Variants in CENPP observed in about 807,000 individuals in gnomAD.
CENPP encodes the protein centromere protein P.
CENPP carries 24 observed loss-of-function variants against 35.6 expected under a neutral mutation model. That is an observed-to-expected ratio of 0.67 (90% CI 0.49 to 0.95). The LOEUF (loss-of-function observed/expected upper bound fraction) is 0.95, where lower values mean the gene tolerates loss of function less well. Ranked by LOEUF, CENPP falls within the 40% of genes least tolerant of loss-of-function variation. The probability of loss-of-function intolerance (pLI) is 0.00; values close to 1 mark genes in which losing one functional copy is unlikely to be tolerated. For synonymous variants in CENPP, 120 were observed against 125.5 expected (o/e 0.96, Z 0.29); for missense variants, 332 against 345.3 (o/e 0.96, Z 0.31).
chr9:92,327,504 GA>G (rs994048432), intron 1 of CENPP, among the ~76,000 whole-genome samples: 2 of 152,148 alleles, frequency 1.3e-5, no homozygotes, highest in Non-Finnish European at 2.9e-5. Context: ...CACCTGTACT[GA>G]ATAAAAATGC....
intron 5 of CENPP, among the ~76,000 whole-genome samples, chr9:92,389,160 G>A (rs1412604787): frequency 6.6e-6 from 1 of 152,042 alleles, no homozygotes; most frequent in Admixed American, 6.6e-5. Flanking sequence ...ACCAGCAATG[G>A]CATGGTCATC....
chr9:92,327,773 AAT>A (rs1840610801), intron 1 of CENPP, among the ~76,000 whole-genome samples: 1 of 152,206 alleles, frequency 6.6e-6, no homozygotes, highest in Non-Finnish European at 1.5e-5. Flanking sequence ...CAATTATTTC[AAT>A]ATTGCTTATC....
At chr9:92,470,778 A>T (rs1220866670) in intron 5 of CENPP, 1 of 1,534,600 alleles carries the variant, frequency 6.5e-7, no homozygotes, top group Non-Finnish European at 8.9e-7. Flanking sequence ...GACTGAGGTC[A>T]AACCTTAGAA....
At chr9:92,522,719 T>C (rs1047748391) in intron 5 of CENPP, 1 of 1,614,188 alleles carries the variant, frequency 6.2e-7, no homozygotes. Flanking sequence ...AGCTGTCTGT[T>C]TGATCTGTGC....
intron 5 of CENPP, among the ~76,000 whole-genome samples, chr9:92,499,974 G>C (rs1022153512): frequency 1.3e-5 from 2 of 152,220 alleles, no homozygotes; most frequent in African/African-American, 4.8e-5. Flanking sequence ...CCCAAAAGTA[G>C]GGAAAGTGAG....
chr9:92,446,355 A>C (rs1420167153), intron 5 of CENPP, among the ~76,000 whole-genome samples: 2 of 152,168 alleles, frequency 1.3e-5, no homozygotes, highest in Non-Finnish European at 2.9e-5. Flanking sequence ...GGTGATTGGG[A>C]AAATCGGTTT....
chr9:92,534,667 G>T (rs1026876018), intron 5 of CENPP, among the ~76,000 whole-genome samples: 1 of 152,126 alleles, frequency 6.6e-6, no homozygotes, highest in Non-Finnish European at 1.5e-5. Context: ...AATCATAAAA[G>T]TCAATTCAGA....
At chr9:92,391,994 G>A (rs765099960) in intron 5 of CENPP, among the ~76,000 whole-genome samples, 59 of 151,768 alleles carry the variant, frequency 3.9e-4, no homozygotes, top group Non-Finnish European at 6.6e-4. Context: ...AATGTGTAGC[G>A]GGGCTAGTAT....
Position 92,598,810 on chromosome 9 carries a change from G to A in CENPP, c.565-12504G>A, listed in dbSNP as rs180725220. ...TTAAAATGAACTATGATGAAACATGGCAAAAACTACAAGGAGGCCAGGCGC... is the reference window on the plus strand; with the variant it reads ...TTAAAATGAACTATGATGAAACATGACAAAAACTACAAGGAGGCCAGGCGC... On this transcript the variant is annotated intron_variant, in intron 5 of 7. Transcript: ENST00000375587. Among the ~76,000 whole-genome samples the A allele has an allele frequency of 9.9e-4, 150 of 151,194 alleles. 1 individual carries two copies. In the Middle Eastern group the frequency reaches 0.014, roughly 14 times the overall value.
rs368156894 is a variant in CENPP, at chr9:92,533,334, T to A, written c.565-77980T>A. On this transcript the variant is annotated intron_variant, in intron 5 of 7. Coordinates refer to ENST00000375587, the MANE Select transcript of CENPP (RefSeq NM_001012267.3). The stretch of plus-strand genomic sequence containing the variant: ...AAAAAAAAAAAAAAAAAAAAATATA[T>A]ATATATATATATATATATATATATG... 5.5e-3 allele frequency among the ~76,000 whole-genome samples: 519 copies of A among 93,662 alleles called. 1 individual carries two copies. The highest frequency in any genetic ancestry group is 9.2e-3 in the South Asian group (20 of 2,166). 61.4% of individuals were successfully genotyped at this position (93,662 alleles called of 152,430 possible). A position where few individuals can be genotyped will look rare whatever the true frequency, so the allele number is the denominator to read the frequency against.
chr9:92,458,914 C>G (rs189170743), intron 5 of CENPP, among the ~76,000 whole-genome samples: 142 of 152,094 alleles, frequency 9.3e-4, no homozygotes, highest in Admixed American at 4.6e-3. Context: ...AAAGATACAC[C>G]GGAAAGAAAA....
In CENPP at chr9:92,400,629, A is replaced by G. The variant is rs147678135; in HGVS notation, c.564+20770A>G. On this transcript the variant is annotated intron_variant, in intron 5 of 7. Coordinates refer to ENST00000375587, the MANE Select transcript of CENPP (RefSeq NM_001012267.3). ...GATAGAGTAAGAGTAAGCCAAGTAC[A>G]CAGGAATTATTAAGTAGGACTTGTA... Among the ~76,000 whole-genome samples, 4 of 152,366 alleles carry G rather than the reference A, an allele frequency of 2.6e-5. No individual in the cohort carries two copies. In the East Asian group the frequency reaches 7.7e-4, roughly 29 times the overall value.
chr9:92,514,558 A>G, intron 5 of CENPP: 1 of 1,510,520 alleles, frequency 6.6e-7, no homozygotes. Context: ...TATAGGCGTG[A>G]GCCACCGTGC....
intron 3 of CENPP, among the ~76,000 whole-genome samples, chr9:92,342,830 T>G (rs1052362803): frequency 7.0e-6 from 1 of 143,152 alleles, no homozygotes; most frequent in Non-Finnish European, 1.6e-5. Flanking sequence ...TACCAACTTG[T>G]GTATGTATGC....
chr9:92,497,110 C>G (rs1279167359), intron 5 of CENPP, among the ~76,000 whole-genome samples: 1 of 152,058 alleles, frequency 6.6e-6, no homozygotes, highest in Non-Finnish European at 1.5e-5. Context: ...CATTCCCACT[C>G]CTAGGATTTT....
At chr9:92,560,868 CTTTTTTT>C (rs58467942) in intron 5 of CENPP, among the ~76,000 whole-genome samples, 1 of 126,152 alleles carries the variant, frequency 7.9e-6, no homozygotes, top group Non-Finnish European at 1.7e-5. Context: ...TTTTTCTTGT[CTTTTTTT>C]TTTTTTTTTT....
rs138643009 is a variant in CENPP at position 92,489,970 on chromosome 9, T to C, written c.564+110111T>C. On this transcript the variant is annotated intron_variant, in intron 5 of 7. Coordinates refer to ENST00000375587, the MANE Select transcript of CENPP (RefSeq NM_001012267.3). ...AGACCCACTCCTTTTTCCACTATAT[T>C]CAATACCAATCTAAGAAATCAGTTA... 2.0e-5 allele frequency among the ~76,000 whole-genome samples: 3 copies of C among 152,350 alleles called. No individual in the cohort carries two copies. The East Asian group carries it at 5.8e-4, about 29-fold the overall frequency.
At chr9:92,510,364 C>G (rs777874249) in intron 5 of CENPP, among the ~76,000 whole-genome samples, 1 of 152,220 alleles carries the variant, frequency 6.6e-6, no homozygotes, top group Non-Finnish European at 1.5e-5. Flanking sequence ...TCCACCTTTA[C>G]AGCAATAGAC....
At chr9:92,553,502 GA>G (rs1849658655) in intron 5 of CENPP, among the ~76,000 whole-genome samples, 1 of 152,074 alleles carries the variant, frequency 6.6e-6, no homozygotes, top group African/African-American at 2.4e-5. Context: ...TTGGCAGTAT[GA>G]TCATTTCCAC....
Sources: allele counts gnomAD v4.1 joint callset (sites outside exome capture counted in the v4.1 genomes callset), GRCh38; gene constraint gnomAD v4.1.1; transcripts MANE v1.5; gene names NCBI Gene and HGNC (gene_info 2026-07-23, HGNC 2026-07-21).